PDE4C: variants seen among roughly 807,000 people sequenced by gnomAD.
PDE4C encodes 3',5'-cyclic-AMP phosphodiesterase 4C.
A neutral mutation model predicts 63.9 loss-of-function variants in PDE4C; 50 were observed. That is an observed-to-expected ratio of 0.78 (90% CI 0.62 to 0.99). PDE4C has a LOEUF of 0.99. Among genes scored for constraint, PDE4C ranks in the 50% least tolerant of loss-of-function variants. PDE4C has a pLI of 0.00. For synonymous variants in PDE4C, 377 were observed against 385.1 expected (o/e 0.98, Z 0.25); for missense variants, 777 against 899.1 (o/e 0.86, Z 1.74).
chr19:18,239,975 G>A (rs572985599), intron 1 of PDE4C, among the ~76,000 whole-genome samples: 1 of 151,684 alleles, frequency 6.6e-6, no homozygotes, highest in Non-Finnish European at 1.5e-5. Flanking sequence ...GCAGTGGAAA[G>A]ATCTGGGCAA....
At chr19:18,249,552 G>A (rs1332787341), upstream of PDE4C, among the ~76,000 whole-genome samples, 2 of 151,490 alleles carry the variant, frequency 1.3e-5, no homozygotes, top group Non-Finnish European at 2.9e-5. Context: ...TGGGATTACA[G>A]GTGTAAGCCA....
upstream of PDE4C, chr19:18,250,387 G>A (rs894261648): frequency 2.0e-5 from 8 of 399,080 alleles, no homozygotes; most frequent in East Asian, 3.6e-5. Context: ...CCACAGACCC[G>A]ATGAGCAAAA....
intron 1 of PDE4C, among the ~76,000 whole-genome samples, chr19:18,243,287 T>C (rs1014504348): frequency 2.6e-5 from 4 of 152,086 alleles, no homozygotes; most frequent in Admixed American, 1.3e-4. Context: ...TTGTATTTTT[T>C]AGTAGAGACA....
intron 1 of PDE4C, among the ~76,000 whole-genome samples, chr19:18,232,378 T>C (rs1968867048): frequency 8.8e-5 from 1 of 11,304 alleles, no homozygotes; most frequent in South Asian, 7.7e-3. Context: ...TAAAAACGTG[T>C]GTGTGTGTGT....
chr19:18,249,933 G>A, upstream of PDE4C: 1 of 392,582 alleles, frequency 2.5e-6, no homozygotes, highest in Non-Finnish European at 4.5e-6. Context: ...TGAAAGTAAA[G>A]ACATGGTCCC....
upstream of PDE4C, among the ~76,000 whole-genome samples, chr19:18,251,014 G>A (rs1969223245): frequency 6.6e-6 from 1 of 152,090 alleles, no homozygotes; most frequent in African/African-American, 2.4e-5. Context: ...TGGCTCAGGT[G>A]ATCCACCCGC....
chr19:18,251,497 C>T (rs187470469), upstream of PDE4C, among the ~76,000 whole-genome samples: 826 of 152,004 alleles, frequency 5.4e-3, 12 homozygotes, highest in African/African-American at 0.019. Flanking sequence ...TGCAGTGGCA[C>T]GATCTCAGCT....
upstream of PDE4C, among the ~76,000 whole-genome samples, chr19:18,228,454 G>A (rs892900912): frequency 2.6e-5 from 4 of 152,118 alleles, no homozygotes; most frequent in African/African-American, 9.7e-5. Context: ...ACAGTCATTT[G>A]CCTAAGGACA....
Position 18,220,383 on chromosome 19 carries a change from A to G in PDE4C, c.612+20T>C. 1 of 1,611,474 alleles carries G rather than the reference A, an allele frequency of 6.2e-7. No individual in the cohort carries two copies. Among genetic ancestry groups the G allele is most frequent in the Non-Finnish European group, 8.5e-7 (1 of 1,177,594 alleles). ...ACCGTGGGCCGAGGCAGGTGAGCTC[A>G]GCGATCTGCCCCACCTCACCTTGTT... On this transcript the variant is annotated intron_variant, in intron 6 of 14. Coordinates refer to ENST00000262805, the Ensembl canonical transcript of PDE4C. This position sits in a 1 kb window ranked among gnomAD's most constrained non-coding sequence, Gnocchi z 5.1.
intron 12 of PDE4C, among the ~76,000 whole-genome samples, chr19:18,213,924 G>T (rs1028477844): frequency 1.3e-5 from 2 of 152,086 alleles, no homozygotes; most frequent in East Asian, 3.9e-4. Context: ...CTGGAATGCC[G>T]CTTCCCAACT....
intron 12 of PDE4C, among the ~76,000 whole-genome samples, chr19:18,215,933 G>A (rs1304765934): frequency 2.7e-5 from 4 of 150,404 alleles, no homozygotes; most frequent in Non-Finnish European, 4.4e-5. Context: ...GGGTTCAAGC[G>A]ATTCTCCTGC....
At chr19:18,239,255 C>T (rs929587939) in intron 1 of PDE4C, among the ~76,000 whole-genome samples, 1 of 152,144 alleles carries the variant, frequency 6.6e-6, no homozygotes, top group Non-Finnish European at 1.5e-5. Flanking sequence ...GCTTCAGTGC[C>T]GAGTTCCTTG....
chr19:18,222,637 T>A (rs1476132222), intron 1 of PDE4C, among the ~76,000 whole-genome samples: 1 of 149,140 alleles, frequency 6.7e-6, no homozygotes, highest in Admixed American at 6.8e-5. Flanking sequence ...TCTTTCTTTT[T>A]TTTTTTTCTT....
At chr19:18,231,523 A>T (rs1968847128) in intron 1 of PDE4C, among the ~76,000 whole-genome samples, 1 of 152,174 alleles carries the variant, frequency 6.6e-6, no homozygotes, top group East Asian at 1.9e-4. Context: ...TCTACCCCAG[A>T]TGCCTCCCAG....
rs1291009909 is a variant in PDE4C, at chr19:18,211,266, A to G, written c.1706T>C (p.Ile569Thr). Residue 569 changes from isoleucine (I) to threonine (T), a missense_variant, in exon 15 of 15, where the codon ATT becomes ACT. Physicochemically the swap from Ile to Thr is moderately conservative, Grantham distance 89. Transcript: ENST00000262805. Reference sequence around the variant, plus strand: ...CCACAGTGGGTGAGCAATGTAGTCAATGAAACCCACCTGTGGCGGGGGGTG... The same window carrying G: ...CCACAGTGGGTGAGCAATGTAGTCAGTGAAACCCACCTGTGGCGGGGGGTG... The G allele has an allele frequency of 3.2e-6, 5 of 1,582,746 alleles. No homozygotes were observed. The highest frequency in any genetic ancestry group is 1.2e-5 in the South Asian group (1 of 86,750).
chr19:18,244,665 A>G (rs1248229205), intron 1 of PDE4C, among the ~76,000 whole-genome samples: 1 of 151,862 alleles, frequency 6.6e-6, no homozygotes, highest in African/African-American at 2.4e-5. Context: ...GTCATGCACC[A>G]CCACACCCAG....
intron 1 of PDE4C, among the ~76,000 whole-genome samples, chr19:18,241,642 C>G (rs1461072243): frequency 6.6e-6 from 1 of 152,020 alleles, no homozygotes. Flanking sequence ...CCTCGACCTC[C>G]TAAGCTCAAG....
intron 1 of PDE4C, among the ~76,000 whole-genome samples, chr19:18,241,170 A>G (rs530945900): frequency 6.6e-6 from 1 of 151,542 alleles, no homozygotes; most frequent in Non-Finnish European, 1.5e-5. Context: ...GTGTGGGGAC[A>G]GTTAGCATCT....
chr19:18,217,891 T>A (rs1968270456), intron 11 of PDE4C, among the ~76,000 whole-genome samples: 1 of 152,092 alleles, frequency 6.6e-6, no homozygotes, highest in Non-Finnish European at 1.5e-5. Context: ...AGCAAGACAC[T>A]GTCTTTAAAA....
Sources: gnomAD v4.1 joint callset for allele counts (sites outside exome capture counted in the v4.1 genomes callset) on GRCh38, gnomAD v4.1.1 for gene constraint, Gnocchi (gnomAD v3.1) non-coding constraint, MANE v1.5 for transcripts, NCBI Gene and HGNC (gene_info 2026-07-23, HGNC 2026-07-21) for gene names.